The following FLT1 variants were observed in gnomAD, a reference collection of about 807,000 sequenced individuals.
FLT1 encodes vascular endothelial growth factor receptor 1.
In FLT1, 49 loss-of-function variants were observed where a neutral mutation model predicts 156.3. That is an observed-to-expected ratio of 0.31 (90% confidence interval 0.25 to 0.40). The LOEUF is 0.40. Ranked by LOEUF, FLT1 falls within the 10% of genes least tolerant of loss-of-function variation. The pLI is 1.00. For synonymous variants in FLT1, 594 were observed against 583.8 expected (o/e 1.02, Z -0.25); for missense variants, 1,322 against 1,637.2 (o/e 0.81, Z 3.32).
At position 28,465,913 on chromosome 13, in the gene FLT1, G is replaced by T. The variant is rs188230395; in HGVS notation, c.388+990C>A. Reference sequence around the variant, plus strand: ...TCTATTGTACTACCTCCAATGCAAAGACCCAGTTCCTGACCTCACCAGAAG... The same window carrying T: ...TCTATTGTACTACCTCCAATGCAAATACCCAGTTCCTGACCTCACCAGAAG... On this transcript the variant is annotated intron_variant, in intron 3 of 29. Transcript: ENST00000282397. Among the ~76,000 whole-genome samples the T allele has an allele frequency of 2.1e-4, 32 of 152,274 alleles. 1 individual carries two copies. The highest frequency in any genetic ancestry group is 1.9e-4 in the Non-Finnish European group (13 of 68,028).
chr13:28,302,793 G>C lies in FLT1; in HGVS notation c.*374C>G, dbSNP rs1007810296. The C allele has an allele frequency of 3.7e-6, 1 of 272,272 alleles. No individual in the cohort carries two copies. The highest frequency in any genetic ancestry group is 2.3e-5 in the African/African-American group (1 of 42,590). 16.9% of individuals were successfully genotyped at this position (272,272 alleles called of 1,614,324 possible). ...AACGGGCTTGTTGCCCTGGGTTTTG[G>C]GCTGCAGGGCTGGCCCAGTGGGGTA... On this transcript the variant is annotated 3_prime_UTR_variant, in exon 30 of 30. Transcript: ENST00000282397.
chr13:28,399,177 G>T (rs1875268539), intron 11 of FLT1: 2 of 1,215,804 alleles, frequency 1.6e-6, no homozygotes, highest in Admixed American at 2.3e-5. Flanking sequence ...GTCTCAGGAA[G>T]CTTAGACCCT....
chr13:28,317,922 G>A (rs1871272448), intron 24 of FLT1, among the ~76,000 whole-genome samples: 1 of 152,022 alleles, frequency 6.6e-6, no homozygotes, highest in South Asian at 2.1e-4. Context: ...AGTAACTAAA[G>A]AAGTCCCATC....
intron 23 of FLT1, among the ~76,000 whole-genome samples, chr13:28,320,981 G>A (rs886857561): frequency 7.2e-5 from 11 of 152,152 alleles, no homozygotes; most frequent in Non-Finnish European, 5.9e-5. Flanking sequence ...GGAGATGCTA[G>A]GCATGGAAGG....
intron 11 of FLT1, among the ~76,000 whole-genome samples, chr13:28,398,366 T>G (rs1352595556): frequency 6.6e-6 from 1 of 152,196 alleles, no homozygotes; most frequent in African/African-American, 2.4e-5. Flanking sequence ...CTTTCCAAGG[T>G]GGTGGACATA....
chr13:28,352,586 A>T (rs974810505), intron 15 of FLT1, among the ~76,000 whole-genome samples: 3 of 152,190 alleles, frequency 2.0e-5, no homozygotes, highest in African/African-American at 7.2e-5. Context: ...ATTCTTCTTG[A>T]TCAAGGCCAG....
At chr13:28,319,652 A>G (rs1239539631) in intron 23 of FLT1, 118 bp from the exon 24 acceptor site, 2 of 698,956 alleles carry the variant, frequency 2.9e-6, no homozygotes, top group Admixed American at 4.1e-5. Context: ...TTCCGAGAGC[A>G]GCTCTGGTTT....
At chr13:28,376,909 T>C (rs1035271523) in intron 14 of FLT1, among the ~76,000 whole-genome samples, 4 of 152,194 alleles carry the variant, frequency 2.6e-5, no homozygotes, top group South Asian at 2.1e-4. Context: ...CAAGTCTGGT[T>C]TGCAAACCTT....
Position 28,424,966 on chromosome 13 carries a change from T to C in FLT1, c.1436+2193A>G, listed in dbSNP as rs147997803. 5.8e-3 allele frequency among the ~76,000 whole-genome samples: 888 copies of C among 152,316 alleles called. 14 individuals carry two copies. Among genetic ancestry groups the C allele is most frequent in the African/African-American group, 0.02 (846 of 41,566 alleles). ...GAGAACTTTTGGTAATTAAAGAGGG[T>C]TTCATTTATCTATAAATTTTAGCTT... On this transcript the variant is annotated intron_variant, in intron 10 of 29. Transcript: ENST00000282397.
intron 25 of FLT1, among the ~76,000 whole-genome samples, chr13:28,315,919 G>A (rs535679471): frequency 6.6e-6 from 1 of 152,060 alleles, no homozygotes; most frequent in African/African-American, 2.4e-5. Context: ...TTCAGTTCTC[G>A]GCATCTCAGT....
intron 1 of FLT1, among the ~76,000 whole-genome samples, chr13:28,491,342 T>A (rs1023977782): frequency 2.6e-5 from 4 of 152,224 alleles, no homozygotes; most frequent in African/African-American, 7.2e-5. Context: ...GAACTTTTTT[T>A]AAAAGAATAA....
chr13:28,411,714 G>A (rs1357543321), intron 10 of FLT1, among the ~76,000 whole-genome samples: 7 of 152,140 alleles, frequency 4.6e-5, no homozygotes, highest in East Asian at 1.9e-4. Flanking sequence ...TGAGTGGCCC[G>A]GGGACAGGAG....
At chr13:28,458,021 A>G (rs1295903253) in intron 3 of FLT1, among the ~76,000 whole-genome samples, 3 of 131,674 alleles carry the variant, frequency 2.3e-5, no homozygotes, top group Non-Finnish European at 3.1e-5. Context: ...TGCAACCTCC[A>G]CCTCCTGGGT....
At chr13:28,355,542 G>A (rs1394051636) in intron 15 of FLT1, among the ~76,000 whole-genome samples, 1 of 152,194 alleles carries the variant, frequency 6.6e-6, no homozygotes, top group East Asian at 1.9e-4. Context: ...AGAGAGCAGA[G>A]AATGAGTATC....
intron 3 of FLT1, among the ~76,000 whole-genome samples, chr13:28,459,070 G>A (rs1879420645): frequency 6.6e-6 from 1 of 152,214 alleles, no homozygotes; most frequent in Non-Finnish European, 1.5e-5. Context: ...GAAGATGTGT[G>A]CAGATGGGCC....
intron 1 of FLT1, among the ~76,000 whole-genome samples, chr13:28,484,036 C>T (rs1031735662): frequency 1.3e-5 from 2 of 152,114 alleles, no homozygotes; most frequent in Non-Finnish European, 2.9e-5. Context: ...GGCTTCAATC[C>T]ATAAAACAAA....
chr13:28,466,947 G>A lies in FLT1; in HGVS notation c.344C>T (p.Ser115Leu). ...YSCKYLAVPT[S>L]KKKETESAIY... ...TGCAGATTCTGTTTCCTTCTTCTTT[G>A]AAGTAGGTACAGCTAGATATTTGCA... The change falls in exon 3 of 30, where the codon TCA becomes TTA. Residue 115 changes from serine (S) to leucine (L), a missense_variant. By Grantham distance (145) the Ser-to-Leu change is moderately radical. Coordinates refer to ENST00000282397, the MANE Select transcript of FLT1 (RefSeq NM_002019.4). The A allele has an allele frequency of 6.2e-7, 1 of 1,613,890 alleles. No individual in the cohort carries two copies. The highest frequency in any genetic ancestry group is 1.1e-5 in the South Asian group (1 of 91,074).
chr13:28,319,175 G>A (rs1249547494), intron 24 of FLT1, among the ~76,000 whole-genome samples: 1 of 152,164 alleles, frequency 6.6e-6, no homozygotes, highest in Non-Finnish European at 1.5e-5. Flanking sequence ...CCTTGTTCAT[G>A]ATCGTATAAA....
intron 19 of FLT1, chr13:28,328,320 A>G (rs1261521572): frequency 6.6e-6 from 1 of 152,288 alleles, no homozygotes; most frequent in Non-Finnish European, 1.5e-5. Flanking sequence ...CCCGGTCTGA[A>G]GGAAGCAAGA....
Sources: gnomAD v4.1 joint callset for allele counts (sites outside exome capture counted in the v4.1 genomes callset) on GRCh38, gnomAD v4.1.1 for gene constraint, MANE v1.5 for transcripts, NCBI Gene and HGNC (gene_info 2026-07-23, HGNC 2026-07-21) for gene names.